The following RHOT1 variants were observed in gnomAD, a reference collection of about 807,000 sequenced individuals.
RHOT1 encodes ras homolog family member T1, also known as mitochondrial Rho GTPase 1.
A neutral mutation model predicts 95.3 loss-of-function variants in RHOT1; 27 were observed. The ratio of observed to expected loss-of-function variants is 0.28; its 90% CI spans 0.21 to 0.39. The LOEUF (loss-of-function observed/expected upper bound fraction) is 0.39. Among genes scored for constraint, RHOT1 ranks in the 10% least tolerant of loss-of-function variants. The pLI is 1.00. For missense variants in RHOT1, 578 were observed against 786.7 expected (o/e 0.73, Z 3.17); for synonymous variants, 227 against 263.5 (o/e 0.86, Z 1.34).
chr17:32,202,750 TTTA>T lies in RHOT1; in HGVS notation c.1202-8_1202-6del, dbSNP rs988082185. ...AAGTGGTACATATTTAGTGGGGTTT[TTTA>T]TTATTATTATTTTTAGTGACAAGAG... is the stretch of plus-strand genomic sequence containing the variant. On this transcript the variant is annotated splice_polypyrimidine_tract_variant and intron_variant, in intron 14 of 19. Transcript: ENST00000545287. The T allele has an allele frequency of 5.8e-6, 9 of 1,540,752 alleles. No individual in the cohort carries two copies. Among genetic ancestry groups the T allele is most frequent in the South Asian group, 1.2e-5 (1 of 83,994 alleles).
intron 8 of RHOT1, among the ~76,000 whole-genome samples, chr17:32,191,890 TATAA>T (rs1164302148): frequency 6.6e-6 from 1 of 152,184 alleles, no homozygotes; most frequent in Non-Finnish European, 1.5e-5. Flanking sequence ...TGAGGGAAGA[TATAA>T]ATAAATAAAC....
chr17:32,187,849 G>A (rs8074295), intron 8 of RHOT1, among the ~76,000 whole-genome samples: 14,082 of 152,210 alleles, frequency 0.093, 2,202 homozygotes, highest in African/African-American at 0.32. Flanking sequence ...GATTACAGGT[G>A]TGAACCACTG....
chr17:32,151,118 A>G lies in RHOT1; in HGVS notation c.37+8389A>G, dbSNP rs945481925. ...AGGTTATCATCTCACATCCTCTCCA[A>G]TTTACCATGACACTGGGTTCTTTAC... On this transcript the variant is annotated intron_variant, in intron 1 of 19. Transcript: ENST00000545287. 8.0e-6 allele frequency: 7 copies of G among 876,256 alleles called. No individual in the cohort carries two copies. The East Asian group carries it at 1.7e-4, about 21-fold the overall frequency. 54.3% of individuals were successfully genotyped at this position (876,256 alleles called of 1,614,324 possible).
intron 8 of RHOT1, among the ~76,000 whole-genome samples, chr17:32,185,116 C>A (rs567876544): frequency 6.6e-6 from 1 of 151,128 alleles, no homozygotes; most frequent in Non-Finnish European, 1.5e-5. Context: ...TTTTCTTTTT[C>A]TTTTGTTTTT....
At chr17:32,211,296 C>A in intron 19 of RHOT1, 58 bp downstream of exon 19, 4 of 1,489,522 alleles carry the variant, frequency 2.7e-6, no homozygotes, top group South Asian at 2.6e-5. Context: ...AAGAAAAAAG[C>A]GGATAACTAT....
rs201673433 is a variant in RHOT1 at position 32,175,913 on chromosome 17, A to T, written c.223-49A>T. The T allele has an allele frequency of 1.7e-5, 22 of 1,290,666 alleles. No individual in the cohort carries two copies. The East Asian group carries it at 5.4e-4, about 32-fold the overall frequency. The allele number at this position is 1,290,666 out of a possible 1,614,324, so 80.0% of individuals were successfully genotyped here. A position where few individuals can be genotyped will look rare whatever the true frequency, so the allele number is the denominator to read the frequency against. On this transcript the variant is annotated intron_variant, in intron 4 of 19. Transcript: ENST00000545287. ...ATAAGTTGCTAATTAAGTGCTGTCT[A>T]TGTTTTTATTATTTTTAGATACGAT...
chr17:32,191,254 C>G (rs975907032), intron 8 of RHOT1, among the ~76,000 whole-genome samples: 2 of 152,122 alleles, frequency 1.3e-5, no homozygotes, highest in Admixed American at 6.6e-5. Flanking sequence ...TAATTATTTT[C>G]TTTCCTATTT....
In RHOT1 at chr17:32,208,304, G is replaced by A. The variant is rs1196196663; in HGVS notation, c.1734G>A (p.Met578Ile). The A allele has an allele frequency of 6.2e-7, 1 of 1,613,200 alleles. No individual in the cohort carries two copies. Among genetic ancestry groups the A allele is most frequent in the East Asian group, 2.2e-5 (1 of 44,872 alleles). Residue 578 changes from methionine to isoleucine, a missense_variant, in exon 18 of 20, where the codon ATG (methionine) becomes ATA (isoleucine). Transcript: ENST00000545287. The stretch of plus-strand genomic sequence containing the variant: ...TTGTTAAATTGACAACAATGGCCAT[G>A]TATCCGTAAGTACTTGCTGTCTTCA... ...DIFVKLTTMAMYPHARLRCMC... is the reference protein window; with the variant it reads ...DIFVKLTTMAIYPHARLRCMC...
intron 11 of RHOT1, among the ~76,000 whole-genome samples, chr17:32,198,396 T>G (rs1290910583): frequency 6.6e-6 from 1 of 152,176 alleles, no homozygotes; most frequent in Non-Finnish European, 1.5e-5. Context: ...ATTTTTTATA[T>G]TAACCTGCTT....
intron 18 of RHOT1, 166 bp downstream of exon 18, chr17:32,208,475 C>T (rs2037909429): frequency 3.1e-6 from 2 of 651,952 alleles, no homozygotes; most frequent in African/African-American, 3.7e-5. Flanking sequence ...GGTTTGAATG[C>T]CATAATAAAA....
chr17:32,169,833 C>T (rs1472836449), intron 1 of RHOT1, among the ~76,000 whole-genome samples: 3 of 151,926 alleles, frequency 2.0e-5, no homozygotes, highest in Non-Finnish European at 2.9e-5. Context: ...TGACGAAACC[C>T]TGTCCCTATT....
chr17:32,179,649 TGAG>T (rs2035415560), intron 6 of RHOT1: 1 of 127,854 alleles, frequency 7.8e-6, no homozygotes, highest in African/African-American at 3.1e-5. Flanking sequence ...GTCTGGGAGG[TGAG>T]GAGCGTTTCT....
intron 1 of RHOT1, among the ~76,000 whole-genome samples, chr17:32,146,899 A>ATTTTT (rs71144808): frequency 1.0e-5 from 1 of 98,024 alleles, no homozygotes; most frequent in East Asian, 3.0e-4. Flanking sequence ...ATTTTTGTAA[A>ATTTTT]TTTTTTTTTT....
chr17:32,160,697 G>A (rs568952580), intron 1 of RHOT1, among the ~76,000 whole-genome samples: 1 of 152,312 alleles, frequency 6.6e-6, no homozygotes, highest in African/African-American at 2.4e-5. Context: ...CTCGCAGGGA[G>A]ATGGTGCCCA....
intron 11 of RHOT1, 34 bp downstream of exon 11, chr17:32,194,141 G>A (rs1360933707): frequency 6.2e-7 from 1 of 1,601,324 alleles, no homozygotes; most frequent in Non-Finnish European, 8.5e-7. Flanking sequence ...TGTTGTTGTT[G>A]TTTAATTTTT....
At chr17:32,168,357 A>C (rs972691968) in intron 1 of RHOT1, among the ~76,000 whole-genome samples, 1 of 151,626 alleles carries the variant, frequency 6.6e-6, no homozygotes, top group Non-Finnish European at 1.5e-5. Context: ...GTGGCCTCCA[A>C]CTCCTGGGCT....
intron 15 of RHOT1, among the ~76,000 whole-genome samples, 188 bp from the exon 16 acceptor site, chr17:32,203,702 A>G (rs1389264715): frequency 6.6e-6 from 1 of 152,214 alleles, no homozygotes; most frequent in Non-Finnish European, 1.5e-5. Context: ...GAACAAATAC[A>G]TCTTTTATTT....
intron 1 of RHOT1, chr17:32,150,568 G>A: frequency 6.4e-7 from 1 of 1,572,230 alleles, no homozygotes; most frequent in South Asian, 1.1e-5. Context: ...ACCAGCAAAG[G>A]TGCTGAGAGA....
rs569107446 is a variant in RHOT1, at chr17:32,150,496, T to C, written c.37+7767T>C. 1,457 of 1,220,186 alleles carry C rather than the reference T, an allele frequency of 1.2e-3. 3 individuals are homozygous for C. Among genetic ancestry groups the C allele is most frequent in the Non-Finnish European group, 1.5e-3 (1,278 of 852,304 alleles). 75.6% of individuals were successfully genotyped at this position (1,220,186 alleles called of 1,614,324 possible). On this transcript the variant is annotated intron_variant, in intron 1 of 19. Coordinates refer to ENST00000545287, the MANE Select transcript of RHOT1 (RefSeq NM_001033566.3). ...TTCCAGGCTGTCTGTTAGACTGTAGTCTTTAAAGCCTTGCCTTATCATACT... is the reference window on the plus strand; with the variant it reads ...TTCCAGGCTGTCTGTTAGACTGTAGCCTTTAAAGCCTTGCCTTATCATACT...
Sources: allele counts gnomAD v4.1 joint callset (sites outside exome capture counted in the v4.1 genomes callset), GRCh38; gene constraint gnomAD v4.1.1; transcripts MANE v1.5; gene names NCBI Gene and HGNC (gene_info 2026-07-23, HGNC 2026-07-21).